Variants in MAP2K4 observed in about 807,000 individuals in gnomAD.
MAP2K4 encodes dual specificity mitogen-activated protein kinase kinase 4.
A neutral mutation model predicts 48.5 loss-of-function variants in MAP2K4; 4 were observed. The ratio of observed to expected loss-of-function variants is 0.08; its 90% CI spans 0.04 to 0.19. The LOEUF (loss-of-function observed/expected upper bound fraction) is 0.19. Among genes scored for constraint, MAP2K4 ranks in the 10% least tolerant of loss-of-function variants. The pLI is 1.00. For synonymous variants in MAP2K4, 166 were observed against 173.1 expected, an observed-to-expected ratio of 0.96 and a Z score of 0.32; for missense variants, 258 against 493.3, an observed-to-expected ratio of 0.52 and a Z score of 4.52.
intron 2 of MAP2K4, among the ~76,000 whole-genome samples, chr17:12,058,754 T>C (rs1036262279): frequency 2.0e-5 from 3 of 152,226 alleles, no homozygotes; most frequent in Non-Finnish European, 4.4e-5. Flanking sequence ...AAGAGCTGCT[T>C]TTAAAAGACA....
At chr17:12,027,171 T>C (rs1370310525) in intron 1 of MAP2K4, among the ~76,000 whole-genome samples, 5 of 152,180 alleles carry the variant, frequency 3.3e-5, no homozygotes, top group African/African-American at 1.2e-4. Context: ...GGGAGTTTAA[T>C]GTGTACTTAA....
intron 1 of MAP2K4, among the ~76,000 whole-genome samples, chr17:12,039,233 T>C (rs1347741444): frequency 6.6e-6 from 1 of 152,156 alleles, no homozygotes; most frequent in African/African-American, 2.4e-5. Flanking sequence ...ACCTGTGAAG[T>C]CAGTGGACAA....
intron 5 of MAP2K4, among the ~76,000 whole-genome samples, chr17:12,108,177 T>C (rs1972186354): frequency 6.6e-6 from 1 of 152,204 alleles, no homozygotes; most frequent in South Asian, 2.1e-4. Context: ...AGCAATTTTC[T>C]GTTCATTTTT....
chr17:12,029,590 A>G (rs969404183), intron 1 of MAP2K4, among the ~76,000 whole-genome samples: 1 of 152,138 alleles, frequency 6.6e-6, no homozygotes, highest in African/African-American at 2.4e-5. Context: ...CAGAGATAGG[A>G]CTTAAAGTAA....
At chr17:12,087,208 A>G (rs1305571351) in intron 3 of MAP2K4, among the ~76,000 whole-genome samples, 1 of 152,152 alleles carries the variant, frequency 6.6e-6, no homozygotes, top group East Asian at 1.9e-4. Context: ...TATGTGATAT[A>G]TTTCCTGCAT....
At chr17:12,042,655 C>CAAAA (rs1969827270) in intron 1 of MAP2K4, among the ~76,000 whole-genome samples, 1 of 150,060 alleles carries the variant, frequency 6.7e-6, no homozygotes, top group South Asian at 2.1e-4. Flanking sequence ...AACAAACAAA[C>CAAAA]AAAAAACTGT....
chr17:12,078,823 AGTCC>A (rs1971094945), intron 2 of MAP2K4, among the ~76,000 whole-genome samples: 1 of 152,120 alleles, frequency 6.6e-6, no homozygotes, highest in Non-Finnish European at 1.5e-5. Context: ...GTATCTAGTC[AGTCC>A]AGTGCTGTAT....
chr17:12,119,154 A>G (rs1298549031), intron 7 of MAP2K4, among the ~76,000 whole-genome samples: 1 of 152,246 alleles, frequency 6.6e-6, no homozygotes, highest in Non-Finnish European at 1.5e-5. Context: ...AGAAATGCCC[A>G]TAGACAAAGT....
Position 12,081,899 on chromosome 17 carries a change from T to C in MAP2K4, c.393+369T>C, listed in dbSNP as rs1971200227. The C allele has an allele frequency of 1.9e-6, 1 of 539,430 alleles. No homozygotes were observed. Among genetic ancestry groups the C allele is most frequent in the Admixed American group, 1.9e-5 (1 of 51,526 alleles). The allele number at this position is 539,430 out of a possible 1,614,324, so 33.4% of individuals were successfully genotyped here. A position where few individuals can be genotyped will look rare whatever the true frequency, so the allele number is the denominator to read the frequency against. ...CTGGAAGAAGACGCAGCACACTGGG[T>C]TGGGCAAGGTGCGGGGCTAGGGCTA... On this transcript the variant is annotated intron_variant, in intron 3 of 10. Coordinates refer to ENST00000353533, the MANE Select transcript of MAP2K4 (RefSeq NM_003010.4). This position sits in a 1 kb window ranked among gnomAD's most constrained non-coding sequence, Gnocchi z 4.2.
At chr17:12,078,873 C>G (rs995899652) in intron 2 of MAP2K4, among the ~76,000 whole-genome samples, 2 of 152,042 alleles carry the variant, frequency 1.3e-5, no homozygotes, top group African/African-American at 4.8e-5. Flanking sequence ...TGTGGTTGTA[C>G]CTACTGTTAA....
intron 1 of MAP2K4, among the ~76,000 whole-genome samples, chr17:12,036,879 T>C (rs1969615840): frequency 1.4e-5 from 2 of 145,128 alleles, no homozygotes; most frequent in Admixed American, 1.4e-4. Context: ...TTTAGCTCTT[T>C]ATCACTATCC....
chr17:12,027,927 G>T (rs751005866), intron 1 of MAP2K4, among the ~76,000 whole-genome samples: 50 of 152,148 alleles, frequency 3.3e-4, no homozygotes, highest in Admixed American at 1.6e-3. Flanking sequence ...GATAGGGAAG[G>T]TGCCATAATC....
At chr17:12,130,780 T>C (rs1432942596) in intron 9 of MAP2K4, among the ~76,000 whole-genome samples, 1 of 152,232 alleles carries the variant, frequency 6.6e-6, no homozygotes, top group Non-Finnish European at 1.5e-5. Flanking sequence ...CCACTCTTTG[T>C]CTTGGACATT....
intron 2 of MAP2K4, among the ~76,000 whole-genome samples, chr17:12,062,659 A>G (rs1174685152): frequency 6.6e-6 from 1 of 152,172 alleles, no homozygotes. Context: ...AACCCTCATA[A>G]TAGATCAGCA....
At chr17:12,060,752 CGTGT>C (rs952878878) in intron 2 of MAP2K4, among the ~76,000 whole-genome samples, 2 of 135,250 alleles carry the variant, frequency 1.5e-5, no homozygotes, top group South Asian at 2.6e-4. Context: ...TGTGTGCGCG[CGTGT>C]GTGTGTGTGG....
At chr17:12,090,845 C>T (rs748001275) in intron 3 of MAP2K4, among the ~76,000 whole-genome samples, 49 of 152,198 alleles carry the variant, frequency 3.2e-4, no homozygotes, top group Non-Finnish European at 7.3e-5. Context: ...TGCTCTTCCA[C>T]TCCAGTCCTT....
chr17:12,121,140 T>C (rs1972674187), intron 7 of MAP2K4, among the ~76,000 whole-genome samples: 2 of 152,228 alleles, frequency 1.3e-5, no homozygotes, highest in Admixed American at 1.3e-4. Context: ...GGTGCTTCAG[T>C]GTACACAAAC....
At chr17:12,130,232 C>G (rs569152402) in intron 9 of MAP2K4, among the ~76,000 whole-genome samples, 8 of 152,062 alleles carry the variant, frequency 5.3e-5, no homozygotes, top group African/African-American at 1.9e-4. Flanking sequence ...GTTTTTAAGT[C>G]TCTTTCATCT....
chr17:12,024,594 A>G (rs916643345), intron 1 of MAP2K4, among the ~76,000 whole-genome samples: 7 of 152,200 alleles, frequency 4.6e-5, no homozygotes, highest in Non-Finnish European at 1.0e-4. Context: ...TTATGAAAGT[A>G]TATTTGGCAT....
Sources: gnomAD v4.1 joint callset for allele counts (sites outside exome capture counted in the v4.1 genomes callset) on GRCh38, gnomAD v4.1.1 for gene constraint, Gnocchi (gnomAD v3.1) non-coding constraint, MANE v1.5 for transcripts, NCBI Gene and HGNC (gene_info 2026-07-23, HGNC 2026-07-21) for gene names.